Variants in CLTCL1 observed in about 807,000 individuals in gnomAD.
CLTCL1 encodes the protein clathrin heavy chain 2.
Under a neutral mutation model 190.0 loss-of-function variants are expected in CLTCL1, and 159 were observed. The ratio of observed to expected loss-of-function variants is 0.84; its 90% CI spans 0.74 to 0.95. The LOEUF (loss-of-function observed/expected upper bound fraction) is 0.95, where lower values mean the gene tolerates loss of function less well. Ranked by LOEUF, CLTCL1 falls within the 40% of genes least tolerant of loss-of-function variation. CLTCL1 has a pLI of 0.00. For synonymous variants in CLTCL1, 752 were observed against 769.6 expected, an observed-to-expected ratio of 0.98 and a Z score of 0.38; for missense variants, 1,878 against 2,033.4, an observed-to-expected ratio of 0.92 and a Z score of 1.47.
intron 1 of CLTCL1, among the ~76,000 whole-genome samples, chr22:19,279,685 G>A (rs566379022): frequency 3.9e-5 from 6 of 152,282 alleles, no homozygotes; most frequent in Non-Finnish European, 8.8e-5. Context: ...TAACTTTCAC[G>A]GATAATCAGT....
intron 18 of CLTCL1, among the ~76,000 whole-genome samples, chr22:19,218,759 G>A (rs1412521047): frequency 1.3e-5 from 2 of 152,220 alleles, no homozygotes; most frequent in African/African-American, 4.8e-5. Flanking sequence ...CTGGAGAGGA[G>A]GCTCTTCCAC....
rs183581797 is a variant in CLTCL1 at position 19,219,431 on chromosome 22, C to T, written c.2919+454G>A. 3.0e-3 allele frequency among the ~76,000 whole-genome samples: 453 copies of T among 151,700 alleles called. 2 individuals are homozygous for T. Among genetic ancestry groups the T allele is most frequent in the African/African-American group, 9.7e-3 (399 of 41,274 alleles). Reference sequence around the variant, plus strand: ...AACTCCTGACCTCAAGTCATCCACCCGCCTCGGCCTCCCAAAGTGCTAGGA... The same window carrying T: ...AACTCCTGACCTCAAGTCATCCACCTGCCTCGGCCTCCCAAAGTGCTAGGA... On this transcript the variant is annotated intron_variant, in intron 18 of 32. Coordinates refer to ENST00000427926, the MANE Select transcript of CLTCL1 (RefSeq NM_007098.4).
At chr22:19,255,273 T>C (rs1185931927) in intron 2 of CLTCL1, among the ~76,000 whole-genome samples, 1 of 152,056 alleles carries the variant, frequency 6.6e-6, no homozygotes. Flanking sequence ...CTACAAAAAT[T>C]TCAATTGGGC....
intron 27 of CLTCL1, among the ~76,000 whole-genome samples, chr22:19,190,476 A>G (rs2084455772): frequency 6.6e-6 from 1 of 152,112 alleles, no homozygotes; most frequent in South Asian, 2.1e-4. Context: ...GCTCAAGCCT[A>G]TAATCCCAGC....
intron 26 of CLTCL1, among the ~76,000 whole-genome samples, chr22:19,193,803 G>C (rs557265608): frequency 5.3e-5 from 8 of 152,280 alleles, no homozygotes; most frequent in Admixed American, 1.3e-4. Flanking sequence ...TCTTCCTTCT[G>C]GTGGGTTCGT....
intron 19 of CLTCL1, among the ~76,000 whole-genome samples, chr22:19,214,617 C>T (rs1555948609): frequency 6.6e-6 from 1 of 151,066 alleles, no homozygotes; most frequent in African/African-American, 2.4e-5. Context: ...CTGTGACTGG[C>T]TTAAGAATTT....
chr22:19,207,738 A>G, intron 22 of CLTCL1: 2 of 486,394 alleles, frequency 4.1e-6, no homozygotes, highest in Non-Finnish European at 7.2e-6. Flanking sequence ...TTAGATCAGC[A>G]GCAGCATTAG....
intron 23 of CLTCL1, among the ~76,000 whole-genome samples, chr22:19,200,054 A>G (rs2084832454): frequency 6.6e-6 from 1 of 152,174 alleles, no homozygotes; most frequent in Non-Finnish European, 1.5e-5. Flanking sequence ...GGTGCTTGAG[A>G]CCATGGAAAG....
chr22:19,242,078 G>A (rs1436849658), intron 4 of CLTCL1, among the ~76,000 whole-genome samples: 2 of 151,700 alleles, frequency 1.3e-5, no homozygotes, highest in African/African-American at 4.8e-5. Flanking sequence ...GAGTAGCTGG[G>A]ACTACAAGCG....
chr22:19,186,182 C>T (rs1364456212), intron 29 of CLTCL1, among the ~76,000 whole-genome samples: 3 of 152,136 alleles, frequency 2.0e-5, no homozygotes, highest in African/African-American at 7.2e-5. Flanking sequence ...ATCCATGTGT[C>T]CTGTGAAGAT....
chr22:19,274,748 A>C (rs2087439865), intron 2 of CLTCL1, among the ~76,000 whole-genome samples: 1 of 125,578 alleles, frequency 8.0e-6, no homozygotes, highest in South Asian at 2.5e-4. Flanking sequence ...TTTTTTTTTG[A>C]GACCGATTTT....
rs782040856 is a variant in CLTCL1, at chr22:19,223,983, C to T, written c.2200G>A (p.Ala734Thr). The part of the protein sequence containing the change: ...DPDVHLKYIQ[A>T]ACKTGQIKEV... ...TTGATCTGCCCTGTCTTACAGGCAG[C>T]CTGAATGTATTTCAGATGCACATCT... is the stretch of plus-strand genomic sequence containing the variant. Residue 734 changes from alanine to threonine, a missense_variant, in exon 14 of 33, where the codon GCT (alanine) becomes ACT (threonine). By Grantham distance (58) the Ala-to-Thr change is moderately conservative (BLOSUM62 0). Transcript: ENST00000427926. 3.1e-6 allele frequency: 5 copies of T among 1,613,866 alleles called. No individual in the cohort carries two copies. In the African/African-American group the frequency reaches 6.7e-5, roughly 22 times the overall value.
chr22:19,240,441 G>A (rs2086218011), intron 4 of CLTCL1, among the ~76,000 whole-genome samples: 1 of 152,148 alleles, frequency 6.6e-6, no homozygotes, highest in African/African-American at 2.4e-5. Context: ...GCAGAGAGAG[G>A]AGGGAAACAC....
chr22:19,248,297 C>CA (rs547458906), intron 3 of CLTCL1, among the ~76,000 whole-genome samples: 1,457 of 143,214 alleles, frequency 0.01, 30 homozygotes, highest in East Asian at 0.069. Flanking sequence ...AACTCGGTCT[C>CA]AAAAAAAAAA....
At chr22:19,275,436 A>C (rs555381565) in intron 2 of CLTCL1, among the ~76,000 whole-genome samples, 187 bp downstream of exon 2, 1 of 151,704 alleles carries the variant, frequency 6.6e-6, no homozygotes, top group East Asian at 1.9e-4. Flanking sequence ...GTTACCAAGA[A>C]GCTCTGGTGC....
In CLTCL1 at chr22:19,226,358, T is replaced by G; in HGVS notation, c.1808A>C (p.Lys603Thr). The G allele has an allele frequency of 6.2e-7, 1 of 1,614,032 alleles. No individual in the cohort carries two copies. Among genetic ancestry groups the G allele is most frequent in the East Asian group, 2.2e-5 (1 of 44,890 alleles). Residue 603 changes from lysine to threonine, a missense_variant, in exon 12 of 33, where the codon AAA becomes ACA. Transcript: ENST00000427926. ...PQVADAILGNKMFTHYDRAHI... is the reference protein window; with the variant it reads ...PQVADAILGNTMFTHYDRAHI... ...GGCCCGGTCGTAATGAGTAAACATT[T>G]TATTTCCAAGGATGGCATCTGCAAC...
chr22:19,225,523 G>T lies in CLTCL1; in HGVS notation c.2058C>A (p.Ala686=). The T allele has an allele frequency of 1.9e-6, 3 of 1,587,318 alleles. No individual in the cohort carries two copies. Among genetic ancestry groups the T allele is most frequent in the Non-Finnish European group, 2.6e-6 (3 of 1,166,300 alleles). ...TGCCCAGCTGCTCGTGGTACTTAGA[G>T]GCCACCTGCACACACAGCTGAAGGT... ...RQNLQLCVQV[A]SKYHEQLGTQ... Residue 686 remains alanine (A), a synonymous_variant, in exon 13 of 33, where the codon GCC becomes GCA. Coordinates refer to ENST00000427926, the MANE Select transcript of CLTCL1 (RefSeq NM_007098.4).
chr22:19,216,531 G>A (rs1265089254), intron 18 of CLTCL1, among the ~76,000 whole-genome samples: 1 of 152,220 alleles, frequency 6.6e-6, no homozygotes, highest in Non-Finnish European at 1.5e-5. Flanking sequence ...TGAAATGAAT[G>A]TCTCCTTTTA....
Position 19,193,914 on chromosome 22 carries a change from T to C in CLTCL1, c.4191+2352A>G, listed in dbSNP as rs142119271. The stretch of plus-strand genomic sequence containing the variant: ...AATGAGTGAGCAGCAGCAAGACTGA[T>C]TGTGAAAAGCAAAAGAACAAAGCTC... On this transcript the variant is annotated intron_variant, in intron 26 of 32. Transcript: ENST00000427926. Among the ~76,000 whole-genome samples the C allele has an allele frequency of 1.0e-3, 153 of 152,288 alleles. 1 individual carries two copies. The highest frequency in any genetic ancestry group is 3.5e-3 in the African/African-American group (147 of 41,536).
Sources: allele counts gnomAD v4.1 joint callset (sites outside exome capture counted in the v4.1 genomes callset), GRCh38; gene constraint gnomAD v4.1.1; transcripts MANE v1.5; gene names NCBI Gene and HGNC (gene_info 2026-07-23, HGNC 2026-07-21).